MKLN1: variants seen among roughly 807,000 people sequenced by gnomAD.
The protein encoded by MKLN1 is muskelin.
In MKLN1, 18 loss-of-function variants were observed where a neutral mutation model predicts 99.0. The ratio of observed to expected loss-of-function variants is 0.18; its 90% CI spans 0.13 to 0.27. MKLN1 has a LOEUF of 0.27. MKLN1 is among the 10% of genes least tolerant of loss of function. MKLN1 has a pLI of 1.00. For synonymous variants in MKLN1, 288 were observed against 293.2 expected (o/e 0.98, Z 0.18); for missense variants, 621 against 875.9 (o/e 0.71, Z 3.67).
At chr7:131,279,112 C>A (rs2171356) in intron 3 of MKLN1, among the ~76,000 whole-genome samples, 141,028 of 152,264 alleles carry the variant, frequency 0.93, 65,350 homozygotes, top group East Asian at 0.99. Flanking sequence ...AGACATGAGG[C>A]TAGAGCTGTG....
At chr7:131,308,024 T>C (rs1183434342) in intron 3 of MKLN1, among the ~76,000 whole-genome samples, 6 of 152,180 alleles carry the variant, frequency 3.9e-5, no homozygotes, top group Non-Finnish European at 8.8e-5. Context: ...GAATGGATCA[T>C]AGGGGCAGAT....
rs757644665 is a variant in MKLN1, at chr7:131,288,464, G to A, written c.-179+85490G>A. Among the ~76,000 whole-genome samples, 7 of 152,224 alleles carry A rather than the reference G, an allele frequency of 4.6e-5. 1 individual carries two copies. The highest frequency in any genetic ancestry group is 6.8e-3 in the Middle Eastern group (2 of 294). ...ATCAAATGATTTTCAAAATCCCAGC[G>A]CAATGTGCCTTCAGTTTTGTGCCAT... On this transcript the variant is annotated intron_variant, in intron 3 of 7. Transcript: ENST00000416992.
chr7:131,234,999 G>A (rs6467368), intron 3 of MKLN1, among the ~76,000 whole-genome samples: 113,172 of 152,090 alleles, frequency 0.74, 42,651 homozygotes, highest in South Asian at 0.83. Context: ...TTTGCTCATC[G>A]TTTAAGGAAC....
chr7:131,240,137 T>C (rs1797380389), intron 3 of MKLN1, among the ~76,000 whole-genome samples: 1 of 152,136 alleles, frequency 6.6e-6, no homozygotes, highest in Non-Finnish European at 1.5e-5. Flanking sequence ...GCCGTGATCA[T>C]GCCACTGTAC....
intron 3 of MKLN1, among the ~76,000 whole-genome samples, chr7:131,275,534 GATATATATATATATATAT>G (rs1166104066): frequency 0.05 from 706 of 14,190 alleles, 43 homozygotes; most frequent in African/African-American, 0.081. Flanking sequence ...ACGCCCAGCT[GATATATATATATATATAT>G]ATATATATAT....
At chr7:131,354,692 A>G (rs1383502259) in intron 1 of MKLN1, among the ~76,000 whole-genome samples, 2 of 152,074 alleles carry the variant, frequency 1.3e-5, no homozygotes, top group Non-Finnish European at 2.9e-5. Context: ...CAGGATGTAA[A>G]GGATTTAACT....
At chr7:131,185,698 A>G (rs918339035) in intron 2 of MKLN1, among the ~76,000 whole-genome samples, 2 of 152,206 alleles carry the variant, frequency 1.3e-5, no homozygotes, top group African/African-American at 4.8e-5. Context: ...CAGCTCTGTC[A>G]CATACTAGCC....
In MKLN1 at chr7:131,128,802, G is replaced by A. The variant is rs1027343752; in HGVS notation, c.-418-14018G>A. On this transcript the variant is annotated intron_variant, in intron 1 of 7. Transcript: ENST00000416992. The stretch of plus-strand genomic sequence containing the variant: ...TTTTTTAGAGATGGGGCGTCCCTAT[G>A]TTGCCCAGCCTGGTCTCGAACTCCT... Among the ~76,000 whole-genome samples, 32 of 150,716 alleles carry A rather than the reference G, an allele frequency of 2.1e-4. 1 individual carries two copies. Among genetic ancestry groups the A allele is most frequent in the Middle Eastern group, 3.5e-3 (1 of 282 alleles).
intron 13 of MKLN1, 152 bp downstream of exon 13, chr7:131,463,516 A>T (rs912547630): frequency 1.4e-6 from 1 of 734,500 alleles, no homozygotes; most frequent in Non-Finnish European, 2.2e-6. Flanking sequence ...ATCGGTACCT[A>T]TGTATACAAT....
chr7:131,240,509 A>G (rs776681551), intron 3 of MKLN1, among the ~76,000 whole-genome samples: 1 of 152,236 alleles, frequency 6.6e-6, no homozygotes, highest in Non-Finnish European at 1.5e-5. Flanking sequence ...GAAAAATACT[A>G]TCTAATATAG....
chr7:131,159,142 G>A (rs906723718), intron 2 of MKLN1, among the ~76,000 whole-genome samples: 2 of 152,110 alleles, frequency 1.3e-5, no homozygotes, highest in African/African-American at 2.4e-5. Context: ...GCAGTAAGCC[G>A]AGATCGTGCC....
At chr7:131,183,025 AC>A (rs752997919) in intron 2 of MKLN1, among the ~76,000 whole-genome samples, 8 of 152,358 alleles carry the variant, frequency 5.3e-5, no homozygotes, top group Non-Finnish European at 1.0e-4. Context: ...TAGGGGACCT[AC>A]CACACAGCAT....
chr7:131,324,912 T>C (rs1798853791), upstream of MKLN1, among the ~76,000 whole-genome samples: 1 of 152,230 alleles, frequency 6.6e-6, no homozygotes, highest in Non-Finnish European at 1.5e-5. Flanking sequence ...TATGTTAACA[T>C]AGGAATGCTT....
chr7:131,235,490 C>T (rs1797307780), intron 3 of MKLN1, among the ~76,000 whole-genome samples: 1 of 152,160 alleles, frequency 6.6e-6, no homozygotes, highest in Non-Finnish European at 1.5e-5. Context: ...CGGCTGTCAC[C>T]TTCGTGAACA....
chr7:131,214,295 G>T (rs549325779), intron 3 of MKLN1, among the ~76,000 whole-genome samples: 37 of 152,274 alleles, frequency 2.4e-4, no homozygotes, highest in African/African-American at 8.7e-4. Flanking sequence ...GATTGGTTTT[G>T]GCACGGGCTT....
In MKLN1 at chr7:131,274,413, C is replaced by T. The variant is rs572160537; in HGVS notation, c.-179+71439C>T. 1.6e-4 allele frequency among the ~76,000 whole-genome samples: 24 copies of T among 151,982 alleles called. No individual in the cohort carries two copies. The East Asian group carries it at 4.5e-3, about 28-fold the overall frequency. On this transcript the variant is annotated intron_variant, in intron 3 of 7. Transcript: ENST00000416992. ...ATCCCAGCACTTTGGGAGGGTGAGG[C>T]GGGCAGGTGATCTGAGCCCAGGAGT... is the stretch of plus-strand genomic sequence containing the variant.
chr7:131,324,323 A>C (rs1259285600), upstream of MKLN1: 1 of 152,250 alleles, frequency 6.6e-6, no homozygotes, highest in Non-Finnish European at 1.5e-5. Context: ...TTCTGAAGGA[A>C]GAGAGTTCAC....
intron 3 of MKLN1, among the ~76,000 whole-genome samples, chr7:131,217,564 T>G (rs10251890): frequency 0.99 from 151,120 of 152,272 alleles, 74,999 homozygotes; most frequent in Middle Eastern, 1. Context: ...CAGGTGTGGT[T>G]GTGGGCACCT....
rs948410517 is a variant in MKLN1, at chr7:131,197,412, T to C, written c.-296-5445T>C. On this transcript the variant is annotated intron_variant, in intron 2 of 7. Coordinates refer to the MKLN1 transcript ENST00000416992. ...ATTATTATTATTATTATTATTATTA[T>C]TATTATTATTATTATTTTGTAAAGA... is the stretch of plus-strand genomic sequence containing the variant. Among the ~76,000 whole-genome samples the C allele has an allele frequency of 2.6e-3, 381 of 146,900 alleles. 3 individuals carry two copies. The highest frequency in any genetic ancestry group is 9.3e-3 in the African/African-American group (375 of 40,188).
Sources: gnomAD v4.1 joint callset for allele counts (sites outside exome capture counted in the v4.1 genomes callset) on GRCh38, gnomAD v4.1.1 for gene constraint, MANE v1.5 for transcripts, NCBI Gene and HGNC (gene_info 2026-07-23, HGNC 2026-07-21) for gene names.